The following ABCC2 variants were observed in gnomAD, a reference collection of about 807,000 sequenced individuals.
ABCC2 encodes the protein ATP-binding cassette sub-family C member 2.
ABCC2 carries 157 observed loss-of-function variants against 173.4 expected under a neutral mutation model. The ratio of observed to expected loss-of-function variants is 0.91; its 90% CI spans 0.80 to 1.03. The LOEUF (loss-of-function observed/expected upper bound fraction) is 1.03, where lower values mean the gene tolerates loss of function less well. Ranked by LOEUF, ABCC2 falls within the 50% of genes least tolerant of loss-of-function variation. The probability of loss-of-function intolerance (pLI) is 0.00; values close to 1 mark genes in which losing one functional copy is unlikely to be tolerated. For missense variants in ABCC2, 1,822 were observed against 1,852.3 expected (o/e 0.98, Z 0.30); for synonymous variants, 657 against 693.5 (o/e 0.95, Z 0.83).
intron 30 of ABCC2, among the ~76,000 whole-genome samples, chr10:99,848,458 A>G (rs2039048203): frequency 6.6e-6 from 1 of 152,172 alleles, no homozygotes; most frequent in African/African-American, 2.4e-5. Context: ...CTCCTGCCCC[A>G]GGGGCCTCAG....
chr10:99,827,260 C>G (rs560774844), intron 19 of ABCC2, among the ~76,000 whole-genome samples: 1 of 152,148 alleles, frequency 6.6e-6, no homozygotes, highest in Non-Finnish European at 1.5e-5. Flanking sequence ...ACCTGACCTG[C>G]TGGAAGAGGA....
At chr10:99,836,376 A>C in intron 25 of ABCC2, 86 bp downstream of exon 25, 1 of 1,381,722 alleles carries the variant, frequency 7.2e-7, no homozygotes, top group Non-Finnish European at 1.0e-6. Flanking sequence ...AGGCATGGCT[A>C]GTGGTGTGAA....
intron 19 of ABCC2, among the ~76,000 whole-genome samples, chr10:99,829,243 G>C (rs1049218714): frequency 1.8e-4 from 28 of 152,136 alleles, no homozygotes; most frequent in Admixed American, 1.4e-3. Flanking sequence ...TGGCTGCTAG[G>C]CTGCTGGTTT....
Position 99,850,663 on chromosome 10 carries a change from G to T in ABCC2, c.4375G>T (p.Val1459Phe). ...RALLRKSKIL[V>F]LDEATAAVDL... is the part of the protein sequence containing the mutation. ...TCTGCTTCGGAAATCCAAGATCCTG[G>T]TCCTGGATGAGGCCACTGCTGCGGT... The change falls in exon 31 of 32, where the codon GTC becomes TTC. Residue 1459 changes from valine to phenylalanine, a missense_variant. Coordinates refer to ENST00000647814, the MANE Select transcript of ABCC2 (RefSeq NM_000392.5). 1 of 1,614,214 alleles carries T rather than the reference G, an allele frequency of 6.2e-7. No individual in the cohort carries two copies. Among genetic ancestry groups the T allele is most frequent in the Non-Finnish European group, 8.5e-7 (1 of 1,180,042 alleles).
At chr10:99,834,287 A>T in intron 23 of ABCC2, 93 bp from the exon 24 acceptor site, 1 of 1,319,682 alleles carries the variant, frequency 7.6e-7, no homozygotes, top group South Asian at 1.2e-5. Context: ...GGGAACACAC[A>T]GAATCCAACA....
rs145346144 is a variant in ABCC2 at position 99,784,743 on chromosome 10, A to C, written c.169A>C (p.Lys57Gln). The C allele has an allele frequency of 7.4e-6, 12 of 1,614,034 alleles. No homozygotes were observed. Among genetic ancestry groups the C allele is most frequent in the African/African-American group, 2.7e-5 (2 of 74,916 alleles). Residue 57 changes from lysine to glutamine, a missense_variant, in exon 2 of 32, where the codon AAG (lysine) becomes CAG (glutamine). Coordinates refer to ENST00000647814, the MANE Select transcript of ABCC2 (RefSeq NM_000392.5). ...TCTCCACGTGTATAAATCCAGGACC[A>C]AGAGATCCTCTACCACCAAACTCTA... is the stretch of plus-strand genomic sequence containing the variant. The part of the protein sequence containing the change: ...QLLHVYKSRT[K>Q]RSSTTKLYLA...
In ABCC2 at chr10:99,845,716, T is replaced by G; in HGVS notation, c.4080T>G (p.Ile1360Met). The change falls in exon 29 of 32, where the codon ATT becomes ATG. Residue 1360 changes from isoleucine (I) to methionine (M), a missense_variant. By Grantham distance (10) the Ile-to-Met change is conservative. Coordinates refer to ENST00000647814, the MANE Select transcript of ABCC2 (RefSeq NM_000392.5). ...AGGCTGCCGGTGGTCAGATTATCAT[T>G]GATGGAGTAGATATTGCTTCCATTG... ...ILEAAGGQII[I>M]DGVDIASIGL... The G allele has an allele frequency of 6.2e-7, 1 of 1,614,012 alleles. No homozygotes were observed. Among genetic ancestry groups the G allele is most frequent in the African/African-American group, 1.3e-5 (1 of 74,976 alleles).
At chr10:99,792,206 C>T in intron 2 of ABCC2, 28 bp from the exon 3 acceptor site, 1 of 1,613,498 alleles carries the variant, frequency 6.2e-7, no homozygotes, top group Non-Finnish European at 8.5e-7. Flanking sequence ...ATGATATCCT[C>T]TTAACAGTGG....
At chr10:99,804,943 C>T (rs932011776) in intron 10 of ABCC2, among the ~76,000 whole-genome samples, 2 of 152,116 alleles carry the variant, frequency 1.3e-5, no homozygotes, top group Non-Finnish European at 2.9e-5. Flanking sequence ...AGAAAAATAT[C>T]AGATCATGAT....
chr10:99,803,873 G>A, intron 9 of ABCC2, 146 bp from the exon 10 acceptor site: 1 of 976,832 alleles, frequency 1.0e-6, no homozygotes, highest in Non-Finnish European at 1.6e-6. Flanking sequence ...TGTAAGATTT[G>A]GAGGCAAGAA....
At chr10:99,811,031 AAAAAG>A (rs2038203380) in intron 14 of ABCC2, among the ~76,000 whole-genome samples, 1 of 152,062 alleles carries the variant, frequency 6.6e-6, no homozygotes, top group African/African-American at 2.4e-5. Flanking sequence ...TCTCAAAAAA[AAAAAG>A]AAAAGGACTT....
At chr10:99,788,064 C>T (rs933690198) in intron 2 of ABCC2, among the ~76,000 whole-genome samples, 1 of 92,124 alleles carries the variant, frequency 1.1e-5, no homozygotes, top group Non-Finnish European at 2.3e-5. Flanking sequence ...TAGACCCTGT[C>T]TCAAAAAAAA....
intron 16 of ABCC2, among the ~76,000 whole-genome samples, chr10:99,815,969 G>GTTT (rs552969751): frequency 3.0e-5 from 4 of 135,382 alleles, no homozygotes; most frequent in South Asian, 2.4e-4. Context: ...TTCTGGTCTT[G>GTTT]TTTTTTTTTT....
At position 99,822,704 on chromosome 10, in the gene ABCC2, T is replaced by G. The variant is rs1033924174; in HGVS notation, c.2620+3435T>G. Among the ~76,000 whole-genome samples, 4 of 152,086 alleles carry G rather than the reference T, an allele frequency of 2.6e-5. No homozygotes were observed. The East Asian group carries it at 7.7e-4, about 29-fold the overall frequency. On this transcript the variant is annotated intron_variant, in intron 19 of 31. Transcript: ENST00000647814. ...CTGATTTCTATAAATGTTTAAAAAA[T>G]TTAAAGTATAGAGTGCTAGATTAAG...
Position 99,799,228 on chromosome 10 carries a change from A to C in ABCC2, c.889A>C (p.Lys297Gln). 1 of 1,614,136 alleles carries C rather than the reference A, an allele frequency of 6.2e-7. No homozygotes were observed. ...LVLEDVEKKK[K>Q]KSGTKKDVPK... Reference sequence around the variant, plus strand: ...CTAGGAAGATGTTGAAAAGAAAAAAAAGAAGTCTGGGACCAAAAAAGATGT... The same window carrying C: ...CTAGGAAGATGTTGAAAAGAAAAAACAGAAGTCTGGGACCAAAAAAGATGT... Residue 297 changes from lysine to glutamine, a missense_variant, in exon 8 of 32, where the codon AAG (lysine) becomes CAG (glutamine). Physicochemically the swap from Lys to Gln is moderately conservative, Grantham distance 53. Transcript: ENST00000647814.
At position 99,842,223 on chromosome 10, in the gene ABCC2, AACCCTGGCTCCATCTTTT is replaced by A. The variant is rs1343326998; in HGVS notation, c.3741+135_3741+152del. 1.4e-4 allele frequency: 191 copies of A among 1,318,230 alleles called. No individual in the cohort carries two copies. The African/African-American group carries it at 2.6e-3, about 18-fold the overall frequency. The allele number at this position is 1,318,230 out of a possible 1,614,324, so 81.7% of individuals were successfully genotyped here. On this transcript the variant is annotated intron_variant, in intron 26 of 31. Transcript: ENST00000647814. The stretch of plus-strand genomic sequence containing the variant: ...AGGGACTAAAGAAGACTGAGGTTCA[AACCCTGGCTCCATCTTTT>A]ACCCATGGACGTATTCCTTACTCTT...
chr10:99,815,632 G>C (rs993220775), intron 16 of ABCC2, among the ~76,000 whole-genome samples: 2 of 152,074 alleles, frequency 1.3e-5, no homozygotes, highest in Admixed American at 1.3e-4. Context: ...CCAAACAGAG[G>C]AGTATCTATA....
At chr10:99,788,511 G>A (rs915866757) in intron 2 of ABCC2, 19 of 152,224 alleles carry the variant, frequency 1.2e-4, no homozygotes, top group African/African-American at 3.9e-4. Flanking sequence ...AGGGAAAAAG[G>A]AAGAATTCCG....
At chr10:99,830,946 G>A (rs2038728319) in intron 21 of ABCC2, 95 bp downstream of exon 21, 3 of 1,360,108 alleles carry the variant, frequency 2.2e-6, no homozygotes, top group African/African-American at 1.4e-5. Flanking sequence ...ATACTTACAG[G>A]AGCAATATGT....
Sources: allele counts gnomAD v4.1 joint callset (sites outside exome capture counted in the v4.1 genomes callset), GRCh38; gene constraint gnomAD v4.1.1; transcripts MANE v1.5; gene names NCBI Gene and HGNC (gene_info 2026-07-23, HGNC 2026-07-21).